GOLGA1: variants seen among roughly 807,000 people sequenced by gnomAD.
The protein encoded by GOLGA1 is golgin A1.
Under a neutral mutation model 119.7 loss-of-function variants are expected in GOLGA1, and 63 were observed. That is an observed-to-expected ratio of 0.53 (90% CI 0.43 to 0.65). The LOEUF (loss-of-function observed/expected upper bound fraction) is 0.65, where lower values mean the gene tolerates loss of function less well. Among genes scored for constraint, GOLGA1 ranks in the 30% least tolerant of loss-of-function variants. GOLGA1 has a pLI of 0.00. For synonymous variants in GOLGA1, 318 were observed against 333.4 expected (o/e 0.95, Z 0.50); for missense variants, 798 against 912.8 (o/e 0.87, Z 1.62).
intron 7 of GOLGA1, among the ~76,000 whole-genome samples, chr9:124,924,420 A>AGGAGTT (rs1187492354): frequency 2.0e-5 from 3 of 151,732 alleles, no homozygotes; most frequent in Non-Finnish European, 4.4e-5. Flanking sequence ...GGTTGAGCAC[A>AGGAGTT]GGAGTTGGAG....
At chr9:124,925,004 C>T (rs1046689897) in intron 7 of GOLGA1, among the ~76,000 whole-genome samples, 2 of 151,422 alleles carry the variant, frequency 1.3e-5, no homozygotes, top group Non-Finnish European at 2.9e-5. Context: ...GGAGTAAACC[C>T]GGGAGGCAGA....
rs780748824 is a variant in GOLGA1, at chr9:124,880,544, T to A, written c.2290A>T (p.Ile764Leu). The part of the protein sequence containing the change: ...SIRPSISNPR[I>L]PWS Reference sequence around the variant, plus strand: ...GGTAGTCCCCTCTAGGACCATGGTATCCGAGGGTTTGAGATAGACGGCCGG... The same window carrying A: ...GGTAGTCCCCTCTAGGACCATGGTAACCGAGGGTTTGAGATAGACGGCCGG... The change falls in exon 23 of 23, where the codon ATA (isoleucine) becomes TTA (leucine). Residue 764 changes from isoleucine to leucine, a missense_variant. Ile to Leu is a conservative substitution (Grantham distance 5). Transcript: ENST00000373555. 1.0e-5 allele frequency: 16 copies of A among 1,599,520 alleles called. No individual in the cohort carries two copies. The highest frequency in any genetic ancestry group is 1.3e-5 in the Non-Finnish European group (15 of 1,166,936).
intron 20 of GOLGA1, 109 bp from the exon 21 acceptor site, chr9:124,882,063 AG>A: frequency 1.3e-6 from 1 of 780,396 alleles, no homozygotes; most frequent in Non-Finnish European, 2.0e-6. Flanking sequence ...TAGGGCAAAA[AG>A]GGCCCCACCT....
chr9:124,920,957 T>C (rs1175420300), intron 10 of GOLGA1, among the ~76,000 whole-genome samples, 172 bp downstream of exon 10: 1 of 152,180 alleles, frequency 6.6e-6, no homozygotes, highest in Non-Finnish European at 1.5e-5. Flanking sequence ...GCAACCCTTG[T>C]TCAGCTGTAT....
chr9:124,915,179 A>G (rs1414475373), intron 10 of GOLGA1, among the ~76,000 whole-genome samples: 1 of 152,044 alleles, frequency 6.6e-6, no homozygotes, highest in Non-Finnish European at 1.5e-5. Flanking sequence ...TCAGACAGAC[A>G]TGAGTCTGAA....
At position 124,889,426 on chromosome 9, in the gene GOLGA1, C is replaced by T. The variant is rs201682319; in HGVS notation, c.1600+8G>A. ...GAGAGAAGGCTCAGCCAGGGACCGA[C>T]TCCTCACCTCGCTCCAGCTGGAGAA... On this transcript the variant is annotated splice_region_variant and intron_variant, in intron 17 of 22. Coordinates refer to ENST00000373555, the MANE Select transcript of GOLGA1 (RefSeq NM_002077.4). 3,505 of 1,604,918 alleles carry T rather than the reference C, an allele frequency of 2.2e-3. 8 individuals carry two copies. The highest frequency in any genetic ancestry group is 2.6e-3 in the Non-Finnish European group (3,099 of 1,171,420).
intron 8 of GOLGA1, 133 bp downstream of exon 8, chr9:124,922,962 T>C (rs1178104377): frequency 1.8e-6 from 1 of 556,016 alleles, no homozygotes; most frequent in Non-Finnish European, 3.1e-6. Flanking sequence ...CATACAAATA[T>C]GATTAATATC....
chr9:124,919,263 G>GA (rs1239355173), intron 10 of GOLGA1, among the ~76,000 whole-genome samples: 1 of 151,258 alleles, frequency 6.6e-6, no homozygotes, highest in Non-Finnish European at 1.5e-5. Context: ...TCAAAAAAAA[G>GA]AAAAAAAAGA....
At position 124,889,178 on chromosome 9, in the gene GOLGA1, A is replaced by G. The variant is rs968053419; in HGVS notation, c.1726T>C (p.Leu576=). Residue 576 remains leucine (L), a synonymous_variant, in exon 18 of 23, where the codon TTG becomes CTG. Transcript: ENST00000373555. ...QEDLLRLRGP[L]QAEALSVNES... ...TTGACTGAGAGTGCTTCGGCCTGCA[A>G]TGGGCCCCGCAGCCTCAGCAGGTCC... 1 of 1,612,352 alleles carries G rather than the reference A, an allele frequency of 6.2e-7. No homozygotes were observed. The highest frequency in any genetic ancestry group is 1.3e-5 in the African/African-American group (1 of 74,998).
chr9:124,898,349 T>C (rs1351144274), intron 15 of GOLGA1, among the ~76,000 whole-genome samples, 200 bp downstream of exon 15: 3 of 152,192 alleles, frequency 2.0e-5, no homozygotes, highest in Non-Finnish European at 4.4e-5. Context: ...AACTGCCAAA[T>C]GAATGTAATT....
At chr9:124,941,454 T>TG (rs1436250931), upstream of GOLGA1, among the ~76,000 whole-genome samples, 1 of 152,164 alleles carries the variant, frequency 6.6e-6, no homozygotes, top group Non-Finnish European at 1.5e-5. Context: ...CTGCACTGCT[T>TG]GGCCAGGCGC....
chr9:124,887,435 A>G (rs1357349063), intron 19 of GOLGA1: 1 of 151,268 alleles, frequency 6.6e-6, no homozygotes, highest in Admixed American at 6.6e-5. Context: ...CTGTTAATTC[A>G]CTGAGACACA....
intron 3 of GOLGA1, among the ~76,000 whole-genome samples, chr9:124,935,930 T>C (rs1430691779): frequency 6.6e-6 from 1 of 152,108 alleles, no homozygotes; most frequent in Non-Finnish European, 1.5e-5. Flanking sequence ...AATTCAATTT[T>C]GTTCATTTAG....
chr9:124,888,156 G>T lies in GOLGA1; in HGVS notation c.1905+97C>A, dbSNP rs1829768253. The stretch of plus-strand genomic sequence containing the variant: ...GTCATGGTTGCCAGGAGGTGCGGGG[G>T]AAACCACAAAAACCTCCAAGGATGG... On this transcript the variant is annotated intron_variant, in intron 19 of 22. Transcript: ENST00000373555. The surrounding 1 kb of genome is among the most constrained non-coding windows in gnomAD (Gnocchi z 4.4). The T allele has an allele frequency of 8.5e-7, 1 of 1,182,038 alleles. No homozygotes were observed. 73.2% of individuals were successfully genotyped at this position (1,182,038 alleles called of 1,614,324 possible).
At chr9:124,883,880 G>A (rs932078946) in intron 19 of GOLGA1, among the ~76,000 whole-genome samples, 4 of 152,074 alleles carry the variant, frequency 2.6e-5, no homozygotes, top group Admixed American at 6.5e-5. Flanking sequence ...GCGCCACCAC[G>A]CCTGGCTAAT....
chr9:124,895,634 C>T (rs1001733349), intron 15 of GOLGA1, among the ~76,000 whole-genome samples: 12 of 147,140 alleles, frequency 8.2e-5, no homozygotes, highest in East Asian at 2.1e-4. Flanking sequence ...GGAGCCTCCA[C>T]GACAGAGAGC....
chr9:124,925,804 A>G (rs544414361), intron 7 of GOLGA1, among the ~76,000 whole-genome samples: 1 of 152,346 alleles, frequency 6.6e-6, no homozygotes, highest in East Asian at 1.9e-4. Context: ...GAAAAAAAAT[A>G]GTTGACACTA....
Position 124,881,133 on chromosome 9 carries a change from T to G in GOLGA1, c.2223+38A>C. On this transcript the variant is annotated intron_variant, in intron 22 of 22. Coordinates refer to ENST00000373555, the MANE Select transcript of GOLGA1 (RefSeq NM_002077.4). This position sits in a 1 kb window ranked among gnomAD's most constrained non-coding sequence, Gnocchi z 4.9. ...GCTACTGCTGGGATAACTGACAACG[T>G]ATCTTGGAAGCTGGAACAGTAGACC... The G allele has an allele frequency of 9.2e-7, 1 of 1,081,406 alleles. No individual in the cohort carries two copies. The highest frequency in any genetic ancestry group is 1.4e-6 in the Non-Finnish European group (1 of 691,990). 67.0% of individuals were successfully genotyped at this position (1,081,406 alleles called of 1,614,324 possible).
intron 20 of GOLGA1, 60 bp downstream of exon 20, chr9:124,882,450 C>T (rs375515474): frequency 1.0e-5 from 13 of 1,270,002 alleles, no homozygotes; most frequent in Admixed American, 7.1e-5. Context: ...TCAGGAGGAC[C>T]GGGCACAGGC....
Sources: allele counts gnomAD v4.1 joint callset (sites outside exome capture counted in the v4.1 genomes callset), GRCh38; gene constraint gnomAD v4.1.1; non-coding constraint Gnocchi (gnomAD v3.1); transcripts MANE v1.5; gene names NCBI Gene and HGNC (gene_info 2026-07-23, HGNC 2026-07-21).